RARB: variants seen among roughly 807,000 people sequenced by gnomAD.
RARB encodes HBV-activated protein.
Under a neutral mutation model 51.9 loss-of-function variants are expected in RARB, and 17 were observed. The observed-to-expected ratio is 0.33, with a 90% CI of 0.22 to 0.49. RARB has a LOEUF of 0.49. RARB is among the 20% of genes least tolerant of loss of function. The pLI, the probability that RARB is intolerant of heterozygous loss-of-function variation, is 0.99. For synonymous variants in RARB, 215 were observed against 195.4 expected (o/e 1.10, Z -0.84); for missense variants, 369 against 550.8 (o/e 0.67, Z 3.30).
chr3:25,101,488 T>A (rs1427701969), intron 3 of RARB, among the ~76,000 whole-genome samples: 7 of 152,112 alleles, frequency 4.6e-5, no homozygotes, highest in Non-Finnish European at 8.8e-5. Flanking sequence ...TGTTATAGAT[T>A]ACTGTTTTGA....
Position 24,984,630 on chromosome 3 carries a change from A to G in RARB, c.-379-75495A>G, listed in dbSNP as rs555882736. 5.3e-4 allele frequency among the ~76,000 whole-genome samples: 81 copies of G among 152,338 alleles called. 2 individuals are homozygous for G. In the South Asian group the frequency reaches 8.7e-3, roughly 16 times the overall value. ...AACAGAGAAATATTCATCAAAGGGT[A>G]TGAAGTTGCATTTATGTATTTTGAA... On this transcript the variant is annotated intron_variant, in intron 2 of 11. Coordinates refer to the RARB transcript ENST00000383772.
Position 25,110,403 on chromosome 3 carries a change from C to G in RARB, c.-327-21758C>G, listed in dbSNP as rs73047741. On this transcript the variant is annotated intron_variant, in intron 3 of 11. Transcript: ENST00000383772. ...TGAGGAAACTCAATCTAAGAGATGC[C>G]AAAATCACTCAGTGAGTTAAGTGGA... is the stretch of plus-strand genomic sequence containing the variant. 7.9e-3 allele frequency among the ~76,000 whole-genome samples: 1,203 copies of G among 152,316 alleles called. 3 individuals carry two copies. Among genetic ancestry groups the G allele is most frequent in the Middle Eastern group, 0.024 (7 of 294 alleles).
chr3:25,255,873 C>T (rs547099797), intron 5 of RARB, among the ~76,000 whole-genome samples: 116 of 152,146 alleles, frequency 7.6e-4, no homozygotes, highest in African/African-American at 2.6e-3. Flanking sequence ...AATTACTTTA[C>T]GTCTGTTTAT....
chr3:24,958,895 G>T (rs1696080071), intron 2 of RARB, among the ~76,000 whole-genome samples: 1 of 152,158 alleles, frequency 6.6e-6, no homozygotes, highest in Non-Finnish European at 1.5e-5. Flanking sequence ...TGGGCCTCAT[G>T]ACAGGAGTGC....
chr3:25,408,568 T>C (rs913888052), intron 5 of RARB, among the ~76,000 whole-genome samples: 4 of 152,144 alleles, frequency 2.6e-5, no homozygotes, highest in African/African-American at 9.7e-5. Flanking sequence ...TGCAAATAGC[T>C]GGCACCACTC....
rs529818534 is a variant in RARB at position 24,966,591 on chromosome 3, C to T, written c.-379-93534C>T. Among the ~76,000 whole-genome samples, 129 of 147,480 alleles carry T rather than the reference C, an allele frequency of 8.7e-4. 2 individuals carry two copies. In the South Asian group the frequency reaches 0.012, roughly 13 times the overall value. Reference sequence around the variant, plus strand: ...CATTTCTACCATCATCTGTGTCTGACCTTGGTTTACATTCATCTCTCTCTC... The same window carrying T: ...CATTTCTACCATCATCTGTGTCTGATCTTGGTTTACATTCATCTCTCTCTC... On this transcript the variant is annotated intron_variant, in intron 2 of 11. Coordinates refer to the RARB transcript ENST00000383772.
intron 3 of RARB, among the ~76,000 whole-genome samples, chr3:25,091,169 C>A (rs944284617): frequency 6.6e-6 from 1 of 152,102 alleles, no homozygotes; most frequent in African/African-American, 2.4e-5. Context: ...GGCAAGCCCA[C>A]GTCAACTGCA....
chr3:25,261,940 C>G (rs1442130796), intron 5 of RARB, among the ~76,000 whole-genome samples: 1 of 152,134 alleles, frequency 6.6e-6, no homozygotes, highest in East Asian at 1.9e-4. Flanking sequence ...ACTTCTTTCT[C>G]TCATTCTGCC....
chr3:25,492,982 C>CTTT (rs78647402), intron 2 of RARB, among the ~76,000 whole-genome samples: 2 of 140,256 alleles, frequency 1.4e-5, no homozygotes, highest in Non-Finnish European at 3.1e-5. Flanking sequence ...GATTTATTAC[C>CTTT]TTTTTTTTTT....
intron 3 of RARB, among the ~76,000 whole-genome samples, chr3:25,529,845 A>G (rs1698818159): frequency 6.6e-6 from 1 of 152,210 alleles, no homozygotes; most frequent in African/African-American, 2.4e-5. Context: ...ATATATTTTT[A>G]TATACCTTAT....
intron 2 of RARB, among the ~76,000 whole-genome samples, chr3:24,929,744 G>A (rs1695400903): frequency 6.6e-6 from 1 of 152,064 alleles, no homozygotes; most frequent in Non-Finnish European, 1.5e-5. Flanking sequence ...ACTTCTAGAG[G>A]GAGCAGAGAT....
intron 2 of RARB, among the ~76,000 whole-genome samples, chr3:25,035,679 T>C (rs560793306): frequency 6.6e-6 from 1 of 152,198 alleles, no homozygotes; most frequent in African/African-American, 2.4e-5. Flanking sequence ...GTAAATAATT[T>C]AGTTTCAGCT....
At chr3:25,278,024 A>G (rs1407938100) in intron 5 of RARB, among the ~76,000 whole-genome samples, 1 of 152,122 alleles carries the variant, frequency 6.6e-6, no homozygotes, top group African/African-American at 2.4e-5. Context: ...TTTCATGCAG[A>G]TAGTTGTGGT....
intron 5 of RARB, among the ~76,000 whole-genome samples, chr3:25,262,506 A>T (rs933765216): frequency 6.6e-6 from 1 of 152,130 alleles, no homozygotes; most frequent in Non-Finnish European, 1.5e-5. Context: ...CTTTCTGTTG[A>T]CTTTGGACAT....
intron 2 of RARB, among the ~76,000 whole-genome samples, chr3:25,031,838 G>A (rs1033370702): frequency 2.0e-5 from 3 of 152,112 alleles, no homozygotes; most frequent in Non-Finnish European, 4.4e-5. Flanking sequence ...TCCAGTTTTA[G>A]GGATTAATAT....
At chr3:25,349,857 A>C (rs11709732) in intron 5 of RARB, among the ~76,000 whole-genome samples, 14,258 of 152,138 alleles carry the variant, frequency 0.094, 800 homozygotes, top group South Asian at 0.2. Context: ...TCTTGGTAGG[A>C]CTCTGCTCTG....
chr3:25,287,337 T>C (rs1363932399), intron 5 of RARB, among the ~76,000 whole-genome samples: 1 of 152,194 alleles, frequency 6.6e-6, no homozygotes, highest in Non-Finnish European at 1.5e-5. Context: ...TCTTCCTATG[T>C]TTCCATATAC....
chr3:25,045,463 C>G lies in RARB; in HGVS notation c.-379-14662C>G, dbSNP rs113290700. ...GCCTGTTGGCTCCCTTCCTGACATT[C>G]AAAGCCAGAGCTCCCTCCCTCCAGA... On this transcript the variant is annotated intron_variant, in intron 2 of 11. Transcript: ENST00000383772. Among the ~76,000 whole-genome samples, 876 of 152,242 alleles carry G rather than the reference C, an allele frequency of 5.8e-3. 10 individuals are homozygous for G. The highest frequency in any genetic ancestry group is 0.02 in the African/African-American group (829 of 41,542).
chr3:25,022,529 C>T (rs181507896), intron 2 of RARB, among the ~76,000 whole-genome samples: 12 of 152,244 alleles, frequency 7.9e-5, no homozygotes, highest in African/African-American at 1.7e-4. Context: ...TATTCCAAAG[C>T]GGCTGTATCA....
Sources: gnomAD v4.1 joint callset for allele counts (sites outside exome capture counted in the v4.1 genomes callset) on GRCh38, gnomAD v4.1.1 for gene constraint, MANE v1.5 for transcripts, NCBI Gene and HGNC (gene_info 2026-07-23, HGNC 2026-07-21) for gene names.